The following MCC variants were observed in gnomAD, a reference collection of about 807,000 sequenced individuals.
MCC encodes MCC regulator of Wnt signaling pathway, also known as colorectal mutant cancer protein.
MCC carries 90 observed loss-of-function variants against 116.2 expected under a neutral mutation model. The ratio of observed to expected loss-of-function variants is 0.77; its 90% CI spans 0.65 to 0.92. The LOEUF is 0.92. MCC is among the 40% of genes least tolerant of loss of function. MCC has a pLI of 0.00. For synonymous variants in MCC, 578 were observed against 510.5 expected, an observed-to-expected ratio of 1.13 and a Z score of -1.78; for missense variants, 1,516 against 1,312.2, an observed-to-expected ratio of 1.16 and a Z score of -2.40.
intron 14 of MCC, among the ~76,000 whole-genome samples, chr5:113,060,578 A>T (rs1383719686): frequency 2.0e-5 from 3 of 152,168 alleles, no homozygotes; most frequent in Non-Finnish European, 4.4e-5. Context: ...AGAATGGAGA[A>T]CTTTACCATC....
chr5:113,098,920 G>A (rs1756219428), intron 8 of MCC, among the ~76,000 whole-genome samples: 1 of 152,082 alleles, frequency 6.6e-6, no homozygotes, highest in Non-Finnish European at 1.5e-5. Flanking sequence ...ACTGTCACAG[G>A]GTAAAAATAA....
chr5:113,355,608 AGGGTTCTGGTG>A (rs893807868), intron 2 of MCC, among the ~76,000 whole-genome samples: 2 of 152,138 alleles, frequency 1.3e-5, no homozygotes, highest in African/African-American at 2.4e-5. Flanking sequence ...CCAGCATGGT[AGGGTTCTGGTG>A]GGGTTCTGGC....
chr5:113,373,104 G>A (rs1254788401), intron 2 of MCC, among the ~76,000 whole-genome samples: 3 of 151,758 alleles, frequency 2.0e-5, no homozygotes, highest in East Asian at 1.9e-4. Flanking sequence ...GCGTGAACCC[G>A]AGAGGCGGAG....
chr5:113,342,502 C>T (rs78785780), intron 2 of MCC, among the ~76,000 whole-genome samples: 4,856 of 152,184 alleles, frequency 0.032, 105 homozygotes, highest in East Asian at 0.075. Flanking sequence ...GGTAATAAAA[C>T]ATGCTAATAG....
chr5:113,128,595 A>T (rs1758233321), intron 5 of MCC, among the ~76,000 whole-genome samples: 1 of 152,300 alleles, frequency 6.6e-6, no homozygotes, highest in Non-Finnish European at 1.5e-5. Context: ...CTTTTGGTGA[A>T]TAATTGAACA....
chr5:113,407,175 A>G (rs1769858723), intron 1 of MCC, among the ~76,000 whole-genome samples: 2 of 152,204 alleles, frequency 1.3e-5, no homozygotes, highest in South Asian at 4.1e-4. Flanking sequence ...CAATTGACAT[A>G]ATCCTCTTAA....
rs778977214 is a variant in MCC at position 113,151,418 on chromosome 5, T to C, written c.632A>G (p.His211Arg). ...GSYLELANTL[H>R]SAALASLKGD... ...CTTTAGTGATGCCAGGGCTGCTGAA[T>C]GGAGCTGTGGTGACAGAAAGGAGGA... The change falls in exon 4 of 19, where the codon CAT becomes CGT. Residue 211 changes from histidine (H) to arginine (R), a missense_variant. His to Arg is a conservative substitution (Grantham distance 29). Transcript: ENST00000408903. The C allele has an allele frequency of 6.9e-6, 11 of 1,583,244 alleles. No individual in the cohort carries two copies. In the Admixed American group the frequency reaches 1.4e-4, roughly 19 times the overall value.
At chr5:113,343,036 C>G (rs1768052281) in intron 2 of MCC, among the ~76,000 whole-genome samples, 1 of 152,128 alleles carries the variant, frequency 6.6e-6, no homozygotes, top group Non-Finnish European at 1.5e-5. Context: ...CCAGTTTGTA[C>G]TATGAAATGA....
chr5:113,057,073 G>C (rs943249700), intron 14 of MCC, among the ~76,000 whole-genome samples: 2 of 152,200 alleles, frequency 1.3e-5, no homozygotes, highest in African/African-American at 2.4e-5. Flanking sequence ...ATGTTTGCAG[G>C]ACACAGTAAA....
chr5:113,384,143 A>G lies in MCC; in HGVS notation c.415+825T>C, dbSNP rs1159546731. 3.3e-5 allele frequency among the ~76,000 whole-genome samples: 5 copies of G among 152,236 alleles called. No individual in the cohort carries two copies. The East Asian group carries it at 9.6e-4, about 29-fold the overall frequency. On this transcript the variant is annotated intron_variant, in intron 2 of 18. Coordinates refer to ENST00000408903, the MANE Select transcript of MCC (RefSeq NM_001085377.2). ...TAACTGAGTATTCAAAAATATATAC[A>G]AGAAACCCCATGTTCCCATCACCCA...
intron 8 of MCC, among the ~76,000 whole-genome samples, chr5:113,086,710 A>C (rs1755220214): frequency 6.6e-6 from 1 of 151,462 alleles, no homozygotes; most frequent in African/African-American, 2.5e-5. Context: ...ATGAGAGTGC[A>C]GTGTCTACCT....
At chr5:113,387,162 C>G (rs1769280887) in intron 1 of MCC, among the ~76,000 whole-genome samples, 1 of 152,066 alleles carries the variant, frequency 6.6e-6, no homozygotes, top group South Asian at 2.1e-4. Context: ...TCAAAACAAG[C>G]CACCCCAATC....
chr5:113,144,515 A>G (rs1581151879), intron 4 of MCC, among the ~76,000 whole-genome samples: 1 of 151,968 alleles, frequency 6.6e-6, no homozygotes, highest in African/African-American at 2.4e-5. Context: ...CTCACCCGCT[A>G]CCTCCCCTGT....
intron 3 of MCC, among the ~76,000 whole-genome samples, chr5:113,263,921 GAGA>G (rs1270886452): frequency 6.7e-5 from 10 of 149,686 alleles, no homozygotes; most frequent in African/African-American, 2.2e-4. Context: ...TATATCTAAA[GAGA>G]AGAAGAAAAA....
intron 3 of MCC, among the ~76,000 whole-genome samples, chr5:113,208,948 T>C (rs1043388262): frequency 1.3e-5 from 2 of 152,178 alleles, no homozygotes; most frequent in Non-Finnish European, 2.9e-5. Flanking sequence ...TCTGAGGGGC[T>C]AAGGGTCGTG....
intron 2 of MCC, among the ~76,000 whole-genome samples, chr5:113,379,285 T>C (rs1340441618): frequency 1.3e-5 from 2 of 152,256 alleles, no homozygotes; most frequent in African/African-American, 4.8e-5. Context: ...AGCCTCAGTT[T>C]CCTCCTGTAT....
chr5:113,266,238 T>TACACACAC (rs58228493), intron 3 of MCC, among the ~76,000 whole-genome samples: 81 of 149,110 alleles, frequency 5.4e-4, no homozygotes, highest in African/African-American at 1.7e-3. Context: ...TCACCCCTTC[T>TACACACAC]ACACACACAC....
At chr5:113,111,825 GA>G (rs1757117248) in intron 6 of MCC, among the ~76,000 whole-genome samples, 1 of 152,192 alleles carries the variant, frequency 6.6e-6, no homozygotes, top group Non-Finnish European at 1.5e-5. Context: ...TGAAAACTAA[GA>G]ATCCTAATGA....
At chr5:113,292,270 G>C (rs6594699) in intron 3 of MCC, among the ~76,000 whole-genome samples, 1 of 151,730 alleles carries the variant, frequency 6.6e-6, no homozygotes, top group African/African-American at 2.4e-5. Context: ...AATTAGTGCA[G>C]AAAGTAAAAA....
Sources: gnomAD v4.1 joint callset for allele counts (sites outside exome capture counted in the v4.1 genomes callset) on GRCh38, gnomAD v4.1.1 for gene constraint, MANE v1.5 for transcripts, NCBI Gene and HGNC (gene_info 2026-07-23, HGNC 2026-07-21) for gene names.